The following CLVS1 variants were observed in gnomAD, a reference collection of about 807,000 sequenced individuals.
CLVS1 encodes clavesin 1.
Under a neutral mutation model 33.1 loss-of-function variants are expected in CLVS1, and 10 were observed. The observed-to-expected ratio is 0.30, with a 90% confidence interval of 0.19 to 0.51. CLVS1 has a LOEUF of 0.51. Among genes scored for constraint, CLVS1 ranks in the 20% least tolerant of loss-of-function variants. The pLI is 0.97. For synonymous variants in CLVS1, 163 were observed against 166.1 expected (o/e 0.98, Z 0.14); for missense variants, 343 against 433.4 (o/e 0.79, Z 1.85).
intron 2 of CLVS1, among the ~76,000 whole-genome samples, chr8:61,154,998 ATG>A (rs1806621989): frequency 3.3e-5 from 5 of 152,248 alleles, no homozygotes; most frequent in Admixed American, 2.6e-4. Flanking sequence ...GCGTGTGTGC[ATG>A]TGTTTGTGTG....
intron 2 of CLVS1, among the ~76,000 whole-genome samples, chr8:61,214,314 A>G (rs1040805611): frequency 6.6e-6 from 1 of 152,140 alleles, no homozygotes; most frequent in African/African-American, 2.4e-5. Flanking sequence ...GAAAGTCCCT[A>G]ATAAAAACTT....
At chr8:61,200,530 T>C (rs768789826) in intron 2 of CLVS1, among the ~76,000 whole-genome samples, 6 of 152,240 alleles carry the variant, frequency 3.9e-5, no homozygotes, top group Non-Finnish European at 8.8e-5. Flanking sequence ...AAAAATGTTT[T>C]ATTAATATAA....
chr8:61,058,375 G>A (rs186680564), intron 1 of CLVS1, among the ~76,000 whole-genome samples: 1 of 152,204 alleles, frequency 6.6e-6, no homozygotes, highest in African/African-American at 2.4e-5. Context: ...GCTCTTTCTT[G>A]ACAGGAACCT....
intron 2 of CLVS1, among the ~76,000 whole-genome samples, chr8:61,193,690 C>T (rs1355108088): frequency 1.3e-5 from 2 of 151,882 alleles, no homozygotes; most frequent in East Asian, 3.9e-4. Context: ...AAAATAATGT[C>T]ATTTTCAGAC....
At chr8:61,403,329 A>C (rs1328974457) in intron 3 of CLVS1, among the ~76,000 whole-genome samples, 1 of 152,220 alleles carries the variant, frequency 6.6e-6, no homozygotes, top group Non-Finnish European at 1.5e-5. Flanking sequence ...ATTCAGTTTT[A>C]GTAAAGTGGA....
chr8:61,023,409 C>T, the CLVS1 span, among the ~76,000 whole-genome samples: 2 of 152,202 alleles, frequency 1.3e-5, no homozygotes, highest in African/African-American at 4.8e-5. Context: ...GGCGTGCAAT[C>T]GCCCTAAAGA....
At chr8:61,172,921 G>T (rs1034058347) in intron 2 of CLVS1, among the ~76,000 whole-genome samples, 1 of 152,122 alleles carries the variant, frequency 6.6e-6, no homozygotes, top group African/African-American at 2.4e-5. Context: ...CTTGAAAGTG[G>T]CACAAATCAC....
intron 2 of CLVS1, among the ~76,000 whole-genome samples, chr8:61,253,121 G>A (rs1808988426): frequency 6.6e-6 from 1 of 152,130 alleles, no homozygotes; most frequent in Admixed American, 6.5e-5. Context: ...GCCTGGTGGT[G>A]ACAAAATCTC....
At chr8:61,101,696 A>G (rs921175252) in intron 1 of CLVS1, among the ~76,000 whole-genome samples, 1 of 152,110 alleles carries the variant, frequency 6.6e-6, no homozygotes, top group Admixed American at 6.5e-5. Context: ...CCAAGGCACA[A>G]ATATTTACCC....
intron 1 of CLVS1, among the ~76,000 whole-genome samples, chr8:61,084,250 C>A (rs542000765): frequency 1.3e-5 from 2 of 152,218 alleles, no homozygotes; most frequent in Admixed American, 6.5e-5. Flanking sequence ...AAAATTCTAC[C>A]TCCTGGAGAA....
intron 2 of CLVS1, among the ~76,000 whole-genome samples, chr8:61,349,425 A>G (rs1441040273): frequency 1.3e-5 from 2 of 152,048 alleles, no homozygotes; most frequent in African/African-American, 4.8e-5. Flanking sequence ...GATATGGGTG[A>G]GAGGAGGAGG....
At chr8:61,421,212 C>T (rs138077066) in intron 3 of CLVS1, among the ~76,000 whole-genome samples, 99 of 152,222 alleles carry the variant, frequency 6.5e-4, no homozygotes, top group African/African-American at 2.3e-3. Context: ...CAGCTGGATG[C>T]CACTGCTCAA....
chr8:61,015,515 C>T, the CLVS1 span, among the ~76,000 whole-genome samples: 1 of 152,214 alleles, frequency 6.6e-6, no homozygotes, highest in Non-Finnish European at 1.5e-5. Context: ...AGGCTTTCTT[C>T]AGAAGCTGAT....
chr8:60,993,619 GC>G, the CLVS1 span, among the ~76,000 whole-genome samples: 6 of 152,186 alleles, frequency 3.9e-5, no homozygotes, highest in African/African-American at 1.4e-4. Flanking sequence ...TTGATAGTTG[GC>G]CCCTCTGACT....
At chr8:61,290,402 T>G (rs888906431) in intron 1 of CLVS1, among the ~76,000 whole-genome samples, 2 of 152,236 alleles carry the variant, frequency 1.3e-5, no homozygotes, top group Non-Finnish European at 2.9e-5. Context: ...AATTACTCAT[T>G]TTTATAATGG....
intron 3 of CLVS1, among the ~76,000 whole-genome samples, chr8:61,426,535 A>G (rs1585956897): frequency 6.6e-6 from 1 of 152,296 alleles, no homozygotes; most frequent in African/African-American, 2.4e-5. Flanking sequence ...GTAGAAAGCC[A>G]TAGGTTGAAT....
intron 2 of CLVS1, among the ~76,000 whole-genome samples, chr8:61,272,598 T>C (rs1398026800): frequency 2.0e-5 from 3 of 152,228 alleles, no homozygotes; most frequent in African/African-American, 7.2e-5. Flanking sequence ...CTTTCCAACT[T>C]GGTTCCATTC....
chr8:61,126,119 C>A (rs2129290387), intron 1 of CLVS1, among the ~76,000 whole-genome samples: 1 of 152,250 alleles, frequency 6.6e-6, no homozygotes, highest in Middle Eastern at 3.4e-3. Context: ...GTATGCCCTG[C>A]CACTCTTGTG....
rs546671446 is a variant in CLVS1 at position 61,361,326 on chromosome 8, A to G, written c.456-15279A>G. Among the ~76,000 whole-genome samples, 5 of 152,340 alleles carry G rather than the reference A, an allele frequency of 3.3e-5. No homozygotes were observed. In the East Asian group the frequency reaches 7.7e-4, roughly 23 times the overall value. ...TGTGTCAGGGAAGAATGCACAGATT[A>G]GTAAAAAATGAATGTGTCCTGTAAG... On this transcript the variant is annotated intron_variant, in intron 2 of 5. Coordinates refer to ENST00000325897, the MANE Select transcript of CLVS1 (RefSeq NM_173519.3).
Sources: gnomAD v4.1 joint callset for allele counts (sites outside exome capture counted in the v4.1 genomes callset) on GRCh38, gnomAD v4.1.1 for gene constraint, MANE v1.5 for transcripts, NCBI Gene and HGNC (gene_info 2026-07-23, HGNC 2026-07-21) for gene names.